The following TUBGCP5 variants were observed in gnomAD, a reference collection of about 807,000 sequenced individuals.
TUBGCP5 encodes the protein tubulin gamma complex component 5, also known as gamma-tubulin complex component 5.
Under a neutral mutation model 134.7 loss-of-function variants are expected in TUBGCP5, and 98 were observed. That is an observed-to-expected ratio of 0.73 (90% CI 0.62 to 0.86). The LOEUF (loss-of-function observed/expected upper bound fraction) is 0.86, where lower values mean the gene tolerates loss of function less well. Among genes scored for constraint, TUBGCP5 ranks in the 40% least tolerant of loss-of-function variants. TUBGCP5 has a pLI of 0.00. For missense variants in TUBGCP5, 1,150 were observed against 1,244.8 expected, an observed-to-expected ratio of 0.92 and a Z score of 1.15; for synonymous variants, 456 against 431.4, an observed-to-expected ratio of 1.06 and a Z score of -0.71.
chr15:22,988,816 G>C (rs549953537), intron 23 of TUBGCP5, among the ~76,000 whole-genome samples: 1 of 151,992 alleles, frequency 6.6e-6, no homozygotes, highest in Non-Finnish European at 1.5e-5. Flanking sequence ...TGCCAGGCTG[G>C]AGTGCAGTGG....
chr15:22,986,529 GA>G (rs2063685852), intron 23 of TUBGCP5, among the ~76,000 whole-genome samples: 2 of 152,030 alleles, frequency 1.3e-5, no homozygotes, highest in South Asian at 4.2e-4. Flanking sequence ...TCGAGGTCAG[GA>G]GTTCGAGACC....
intron 23 of TUBGCP5, among the ~76,000 whole-genome samples, chr15:22,985,408 G>C (rs1310482074): frequency 6.6e-6 from 1 of 151,730 alleles, no homozygotes; most frequent in Non-Finnish European, 1.5e-5. Flanking sequence ...AGTAGAGATG[G>C]GGTTTCTCCA....
At chr15:23,037,180 G>T in intron 1 of TUBGCP5, 28 bp from the exon 2 acceptor site, 1 of 1,609,022 alleles carries the variant, frequency 6.2e-7, no homozygotes, top group Non-Finnish European at 8.5e-7. Flanking sequence ...CAATTCTTAT[G>T]CCAACTCTGT....
chr15:23,028,067 A>C (rs1274534941), intron 6 of TUBGCP5, among the ~76,000 whole-genome samples: 1 of 145,096 alleles, frequency 6.9e-6, no homozygotes, highest in Non-Finnish European at 1.6e-5. Flanking sequence ...TGATGCTTTA[A>C]ACTAGACAAA....
At chr15:23,002,991 C>T in intron 21 of TUBGCP5, 74 bp downstream of exon 21, 1 of 1,475,430 alleles carries the variant, frequency 6.8e-7, no homozygotes, top group Admixed American at 1.7e-5. Flanking sequence ...GCTGGGAAGA[C>T]CCTGTCTCTA....
chr15:23,016,424 G>A (rs1196958107), intron 13 of TUBGCP5, among the ~76,000 whole-genome samples: 2 of 151,470 alleles, frequency 1.3e-5, no homozygotes, highest in Non-Finnish European at 2.9e-5. Flanking sequence ...AGCCAGGGAG[G>A]CAGAGCTTGC....
chr15:23,024,652 T>C (rs2065890367), intron 9 of TUBGCP5, 85 bp downstream of exon 9: 3 of 770,796 alleles, frequency 3.9e-6, no homozygotes, highest in Non-Finnish European at 6.1e-6. Context: ...CAATAGCAAT[T>C]TTAATATTGT....
rs1420972223 is a variant in TUBGCP5, at chr15:22,993,110, T to A, written c.*61+3735A>T. Among the ~76,000 whole-genome samples the A allele has an allele frequency of 5.9e-5, 9 of 152,144 alleles. No homozygotes were observed. In the East Asian group the frequency reaches 1.7e-3, roughly 29 times the overall value. The stretch of plus-strand genomic sequence containing the variant: ...TGCTCAGGATGTGATTGGAAACTCT[T>A]TATTTTTGAGATTGAGTCTCGCTCT... On this transcript the variant is annotated intron_variant and NMD_transcript_variant, in intron 23 of 23. Coordinates refer to the TUBGCP5 transcript ENST00000614508.
intron 9 of TUBGCP5, 160 bp from the exon 10 acceptor site, chr15:23,024,353 C>T (rs1308785203): frequency 3.2e-5 from 24 of 743,860 alleles, no homozygotes; most frequent in Non-Finnish European, 4.7e-5. Context: ...ATTTTATACA[C>T]AAAGGAAAAA....
At chr15:23,020,784 G>C (rs1401366174) in intron 11 of TUBGCP5, among the ~76,000 whole-genome samples, 1 of 152,088 alleles carries the variant, frequency 6.6e-6, no homozygotes, top group East Asian at 1.9e-4. Flanking sequence ...TGTTACCCAA[G>C]CTGGAGTGCA....
chr15:23,017,955 TC>T lies in TUBGCP5; in HGVS notation c.1573del (p.Glu525LysfsTer3), dbSNP rs2065436103. 1 of 1,614,116 alleles carries T rather than the reference TC, an allele frequency of 6.2e-7. No individual in the cohort carries two copies. The highest frequency in any genetic ancestry group is 1.7e-5 in the Admixed American group (1 of 60,008). Reference sequence around the variant, plus strand: ...CGCACTAGCGTTATCACTCATTTTTTCTTCATTTTCTGTCTTTTCTGATACG... The same window carrying T: ...CGCACTAGCGTTATCACTCATTTTTTTTCATTTTCTGTCTTTTCTGATACG... The part of the protein sequence containing the change: ...YSVSEKTENE[E>X]KMSDNASASS... On this transcript the variant is annotated frameshift_variant, in exon 13 of 23. Coordinates refer to ENST00000615383, the MANE Select transcript of TUBGCP5 (RefSeq NM_052903.6). LOFTEE classifies it high-confidence loss of function.
chr15:23,037,866 G>A (rs1040976576), intron 1 of TUBGCP5, among the ~76,000 whole-genome samples: 8 of 152,130 alleles, frequency 5.3e-5, no homozygotes, highest in East Asian at 1.9e-4. Context: ...CTGGGTTCGC[G>A]CCATTCTCCT....
intron 2 of TUBGCP5, 29 bp downstream of exon 2, chr15:23,037,070 T>C (rs972178574): frequency 3.1e-6 from 5 of 1,606,210 alleles, no homozygotes; most frequent in South Asian, 1.1e-5. Context: ...CATATATTTC[T>C]GGATGCGTAT....
intron 23 of TUBGCP5, among the ~76,000 whole-genome samples, chr15:22,988,337 T>C (rs1359518513): frequency 6.6e-6 from 1 of 151,952 alleles, no homozygotes; most frequent in East Asian, 1.9e-4. Context: ...CATAGAATGC[T>C]GGCAGCCCCC....
intron 23 of TUBGCP5, among the ~76,000 whole-genome samples, chr15:22,993,862 G>C (rs1201993021): frequency 1.3e-5 from 2 of 151,408 alleles, no homozygotes; most frequent in African/African-American, 4.9e-5. Flanking sequence ...TGTATTTTTT[G>C]TAGAGATGCG....
intron 9 of TUBGCP5, chr15:23,024,476 G>C (rs1161614326): frequency 4.6e-6 from 2 of 432,466 alleles, no homozygotes; most frequent in Admixed American, 4.0e-5. Flanking sequence ...TCACAATACA[G>C]AATGACAAAT....
At chr15:23,008,297 G>A (rs368862935) in intron 16 of TUBGCP5, among the ~76,000 whole-genome samples, 5 of 151,744 alleles carry the variant, frequency 3.3e-5, no homozygotes, top group African/African-American at 4.8e-5. Context: ...ATGGAGTCTC[G>A]TTCTTGTCGC....
rs574704644 is a variant in TUBGCP5, at chr15:23,019,299, C to A, written c.1407G>T (p.Val469=). 103 of 1,614,026 alleles carry A rather than the reference C, an allele frequency of 6.4e-5. No individual in the cohort carries two copies. The South Asian group carries it at 1.0e-3, about 16-fold the overall frequency. ...SLLFSLWVET[V]RPYLQTVDEW... ...CGTCCACCGTCTGCAGGTAAGGCCG[C>A]ACCGTTTCCACCCAGAGAGAGAAAA... The change falls in exon 12 of 23, where the codon GTG becomes GTT. Residue 469 remains valine (V), a synonymous_variant. Transcript: ENST00000615383.
At chr15:23,003,031 C>T in intron 21 of TUBGCP5, 34 bp downstream of exon 21, 1 of 1,605,518 alleles carries the variant, frequency 6.2e-7, no homozygotes, top group Non-Finnish European at 8.5e-7. Flanking sequence ...CTGAAATGGT[C>T]ACAGTGCAGA....
Sources: gnomAD v4.1 joint callset for allele counts (sites outside exome capture counted in the v4.1 genomes callset) on GRCh38, gnomAD v4.1.1 for gene constraint, MANE v1.5 for transcripts, NCBI Gene and HGNC (gene_info 2026-07-23, HGNC 2026-07-21) for gene names.